Variants in XYLT1 observed in about 807,000 individuals in gnomAD.
XYLT1 encodes the protein xylosyltransferase 1, also known as beta-D-xylosyltransferase 1.
A neutral mutation model predicts 91.3 loss-of-function variants in XYLT1; 36 were observed. The ratio of observed to expected loss-of-function variants is 0.39; its 90% CI spans 0.30 to 0.52. XYLT1 has a LOEUF of 0.52. Ranked by LOEUF, XYLT1 falls within the 20% of genes least tolerant of loss-of-function variation. XYLT1 has a pLI of 0.68. For missense variants in XYLT1, 1,242 were observed against 1,284.5 expected, an observed-to-expected ratio of 0.97 and a Z score of 0.51; for synonymous variants, 588 against 532.0, an observed-to-expected ratio of 1.11 and a Z score of -1.45.
At chr16:17,296,503 G>C (rs1459906287) in intron 2 of XYLT1, among the ~76,000 whole-genome samples, 1 of 152,132 alleles carries the variant, frequency 6.6e-6, no homozygotes, top group Admixed American at 6.5e-5. Context: ...ATAATCAAAG[G>C]CTAATCAGCC....
At chr16:17,199,906 T>C (rs957295465) in intron 4 of XYLT1, among the ~76,000 whole-genome samples, 1 of 152,002 alleles carries the variant, frequency 6.6e-6, no homozygotes, top group Non-Finnish European at 1.5e-5. Flanking sequence ...CAGAGGGCAT[T>C]GGGTAGAGGG....
intron 3 of XYLT1, among the ~76,000 whole-genome samples, chr16:17,220,510 T>TC (rs894210065): frequency 1.3e-5 from 2 of 152,148 alleles, no homozygotes; most frequent in African/African-American, 4.8e-5. Context: ...TCCCACTCTG[T>TC]CCCCCAGGCT....
intron 3 of XYLT1, among the ~76,000 whole-genome samples, chr16:17,235,955 C>G (rs1596439743): frequency 1.3e-5 from 2 of 152,170 alleles, no homozygotes; most frequent in South Asian, 4.1e-4. Context: ...CAACTTCTAT[C>G]TCCCGGGTTC....
At chr16:17,344,753 T>A (rs1339495262) in intron 2 of XYLT1, among the ~76,000 whole-genome samples, 3 of 151,348 alleles carry the variant, frequency 2.0e-5, no homozygotes, top group Admixed American at 2.0e-4. Flanking sequence ...CAAGCTGGAG[T>A]GCAGTGTGGT....
At chr16:17,405,383 G>A (rs911864891) in intron 1 of XYLT1, among the ~76,000 whole-genome samples, 6 of 152,180 alleles carry the variant, frequency 3.9e-5, no homozygotes, top group East Asian at 1.9e-4. Context: ...TAAAGCATCC[G>A]TGCTCGCAGC....
chr16:17,318,148 A>T (rs779560849), intron 2 of XYLT1, among the ~76,000 whole-genome samples: 1 of 152,236 alleles, frequency 6.6e-6, no homozygotes. Flanking sequence ...GATTCCCAGT[A>T]TATCTAATGC....
chr16:17,299,680 C>T (rs529305326), intron 2 of XYLT1, among the ~76,000 whole-genome samples: 2 of 152,188 alleles, frequency 1.3e-5, no homozygotes, highest in South Asian at 2.1e-4. Flanking sequence ...GGCTTTTTGT[C>T]CCCTGCAGAA....
chr16:17,136,530 T>TTAAAATGG (rs2030727101), intron 8 of XYLT1, among the ~76,000 whole-genome samples: 2 of 152,174 alleles, frequency 1.3e-5, no homozygotes, highest in South Asian at 4.1e-4. Flanking sequence ...CTCAGCATCC[T>TTAAAATGG]TAAAATGGGT....
intron 5 of XYLT1, among the ~76,000 whole-genome samples, chr16:17,169,599 C>T (rs1027613790): frequency 2.0e-5 from 3 of 148,608 alleles, no homozygotes; most frequent in African/African-American, 5.0e-5. Flanking sequence ...CCAGGGGCCA[C>T]GCAGGAACCC....
chr16:17,334,451 CCT>C (rs1258446995), intron 2 of XYLT1, among the ~76,000 whole-genome samples: 10 of 152,164 alleles, frequency 6.6e-5, no homozygotes, highest in Non-Finnish European at 8.8e-5. Context: ...CCATTAATTA[CCT>C]CTTTGTCTGA....
At chr16:17,347,702 G>A (rs1256414784) in intron 2 of XYLT1, among the ~76,000 whole-genome samples, 1 of 152,242 alleles carries the variant, frequency 6.6e-6, no homozygotes, top group Non-Finnish European at 1.5e-5. Flanking sequence ...GACTCCCCAT[G>A]GCAAGTCCCA....
intron 7 of XYLT1, among the ~76,000 whole-genome samples, chr16:17,139,699 C>T (rs1311979206): frequency 6.6e-6 from 1 of 152,176 alleles, no homozygotes; most frequent in Admixed American, 6.5e-5. Flanking sequence ...TTACTGATTG[C>T]CCTGTGTCCT....
At chr16:17,253,665 G>A (rs1308050564) in intron 3 of XYLT1, among the ~76,000 whole-genome samples, 1 of 152,108 alleles carries the variant, frequency 6.6e-6, no homozygotes, top group Non-Finnish European at 1.5e-5. Context: ...GAGGCACAGA[G>A]AGGTCAAGCA....
At chr16:17,324,734 A>G (rs887674333) in intron 2 of XYLT1, among the ~76,000 whole-genome samples, 6 of 152,204 alleles carry the variant, frequency 3.9e-5, no homozygotes, top group South Asian at 2.1e-4. Flanking sequence ...GATTCTATTT[A>G]ATGTGCACCA....
intron 2 of XYLT1, among the ~76,000 whole-genome samples, chr16:17,299,646 AC>A (rs2034365031): frequency 6.6e-6 from 1 of 152,184 alleles, no homozygotes; most frequent in Non-Finnish European, 1.5e-5. Context: ...ATAGAGACTT[AC>A]CAGCAAGCTT....
intron 1 of XYLT1, among the ~76,000 whole-genome samples, chr16:17,468,842 G>A (rs921545278): frequency 6.6e-6 from 1 of 151,956 alleles, no homozygotes; most frequent in Non-Finnish European, 1.5e-5. Context: ...AGCAGGACAC[G>A]ACCCACAACC....
intron 2 of XYLT1, among the ~76,000 whole-genome samples, chr16:17,333,847 C>T (rs1160980473): frequency 6.6e-6 from 1 of 152,076 alleles, no homozygotes; most frequent in Non-Finnish European, 1.5e-5. Flanking sequence ...CTCGGCCTCC[C>T]AAAGTGCTGG....
At chr16:17,289,715 C>T (rs2034193995) in intron 2 of XYLT1, among the ~76,000 whole-genome samples, 1 of 152,108 alleles carries the variant, frequency 6.6e-6, no homozygotes, top group African/African-American at 2.4e-5. Context: ...AGTTCTGTAC[C>T]TAGGAAAATT....
intron 3 of XYLT1, among the ~76,000 whole-genome samples, chr16:17,217,942 G>T (rs2032890442): frequency 6.8e-6 from 1 of 146,130 alleles, no homozygotes; most frequent in Admixed American, 7.0e-5. Context: ...GTCTTATTTT[G>T]AATAATAATA....
Sources: gnomAD v4.1 joint callset for allele counts (sites outside exome capture counted in the v4.1 genomes callset) on GRCh38, gnomAD v4.1.1 for gene constraint, MANE v1.5 for transcripts, NCBI Gene and HGNC (gene_info 2026-07-23, HGNC 2026-07-21) for gene names.